EPHA5: variants seen among roughly 807,000 people sequenced by gnomAD.
EPHA5 encodes the protein ephrin type-A receptor 5.
EPHA5 carries 60 observed loss-of-function variants against 105.0 expected under a neutral mutation model. The observed-to-expected ratio is 0.57, with a 90% CI of 0.46 to 0.71. EPHA5 has a LOEUF of 0.71. EPHA5 is among the 30% of genes least tolerant of loss of function. EPHA5 has a pLI of 0.00. For synonymous variants in EPHA5, 513 were observed against 449.1 expected (o/e 1.14, Z -1.80); for missense variants, 1,218 against 1,274.7 (o/e 0.96, Z 0.68).
chr4:65,601,518 A>C, intron 3 of EPHA5, 123 bp downstream of exon 3: 1 of 986,934 alleles, frequency 1.0e-6, no homozygotes, highest in East Asian at 2.4e-5. Context: ...ATAAAACTTG[A>C]GAGAAATAAT....
intron 8 of EPHA5, among the ~76,000 whole-genome samples, chr4:65,396,563 G>A (rs1392144134): frequency 3.3e-5 from 5 of 152,244 alleles, no homozygotes; most frequent in East Asian, 1.9e-4. Context: ...CCCTAAATGC[G>A]ACACCAGTGA....
At chr4:65,480,806 T>C (rs935853710) in intron 5 of EPHA5, among the ~76,000 whole-genome samples, 1 of 152,128 alleles carries the variant, frequency 6.6e-6, no homozygotes, top group Non-Finnish European at 1.5e-5. Flanking sequence ...TATCCTTTAT[T>C]AATGCTCTTT....
intron 8 of EPHA5, 27 bp from the exon 9 acceptor site, chr4:65,367,451 C>G: frequency 6.2e-7 from 1 of 1,607,680 alleles, no homozygotes; most frequent in South Asian, 1.1e-5. Flanking sequence ...TAGAATTAGC[C>G]ACATCTGAAA....
chr4:65,326,317 C>T (rs1360338117), intron 16 of EPHA5, among the ~76,000 whole-genome samples: 2 of 151,244 alleles, frequency 1.3e-5, no homozygotes, highest in South Asian at 4.1e-4. Flanking sequence ...CAAGTCTATA[C>T]TTTTAATTTA....
Position 65,404,542 on chromosome 4 carries a change from G to A in EPHA5, c.1688-63C>T, listed in dbSNP as rs1001372248. ...GTGATCACATGCATTCAAAATAAAA[G>A]TTGCTTAATAGACAGTAATCAATTC... On this transcript the variant is annotated intron_variant, in intron 7 of 16. Transcript: ENST00000613740. 6.9e-6 allele frequency: 10 copies of A among 1,452,646 alleles called. No homozygotes were observed. In the African/African-American group the frequency reaches 1.4e-4, roughly 20 times the overall value. The allele number at this position is 1,452,646 out of a possible 1,614,324, so 90.0% of individuals were successfully genotyped here.
chr4:65,389,903 G>A (rs1720532302), intron 8 of EPHA5, among the ~76,000 whole-genome samples: 1 of 151,906 alleles, frequency 6.6e-6, no homozygotes, highest in African/African-American at 2.4e-5. Context: ...ATTTCCACAG[G>A]GAGGTCAAAC....
intron 3 of EPHA5, among the ~76,000 whole-genome samples, chr4:65,579,333 T>G (rs1285564040): frequency 7.1e-6 from 1 of 140,476 alleles, no homozygotes; most frequent in Non-Finnish European, 1.5e-5. Flanking sequence ...ATAACCTGCA[T>G]GTGTAAATAT....
intron 2 of EPHA5, among the ~76,000 whole-genome samples, chr4:65,632,998 G>A: frequency 6.6e-6 from 1 of 152,010 alleles, no homozygotes; most frequent in Non-Finnish European, 1.5e-5. Context: ...TAGAGGGAAA[G>A]TATTGGGGGA....
intron 5 of EPHA5, among the ~76,000 whole-genome samples, chr4:65,486,246 C>A (rs1730867696): frequency 6.6e-6 from 1 of 151,960 alleles, no homozygotes; most frequent in African/African-American, 2.4e-5. Flanking sequence ...TCTTTGAGAT[C>A]ATTCATTTCC....
intron 3 of EPHA5, among the ~76,000 whole-genome samples, chr4:65,545,680 T>C (rs12644216): frequency 0.12 from 17,527 of 151,966 alleles, 1,449 homozygotes; most frequent in East Asian, 0.3. Context: ...GAGCAAAATA[T>C]TTTGAACATT....
intron 5 of EPHA5, among the ~76,000 whole-genome samples, chr4:65,467,201 G>T (rs4437303): frequency 0.38 from 58,159 of 151,924 alleles, 12,386 homozygotes; most frequent in Middle Eastern, 0.49. Flanking sequence ...AAGATAGGGT[G>T]CCAGCCAGTC....
At chr4:65,418,318 G>C (rs1723589523) in intron 6 of EPHA5, among the ~76,000 whole-genome samples, 1 of 152,030 alleles carries the variant, frequency 6.6e-6, no homozygotes, top group African/African-American at 2.4e-5. Context: ...ATTGTTTTTT[G>C]ATATAGCCTA....
intron 3 of EPHA5, among the ~76,000 whole-genome samples, chr4:65,584,585 A>G (rs999289091): frequency 4.6e-5 from 7 of 151,968 alleles, no homozygotes; most frequent in Non-Finnish European, 7.4e-5. Context: ...AGTATGAACA[A>G]AAATGGAATA....
At chr4:65,330,722 T>G in intron 16 of EPHA5, 2 of 959,428 alleles carry the variant, frequency 2.1e-6, no homozygotes, top group Non-Finnish European at 2.5e-6. Context: ...AGTTTTAAAT[T>G]ATCAGTAAAT....
intron 2 of EPHA5, among the ~76,000 whole-genome samples, chr4:65,609,953 C>T (rs1744611431): frequency 6.6e-6 from 1 of 151,820 alleles, no homozygotes; most frequent in Non-Finnish European, 1.5e-5. Flanking sequence ...AGATATTAAA[C>T]AGTTTCTCAT....
intron 3 of EPHA5, among the ~76,000 whole-genome samples, chr4:65,511,064 A>C (rs1487584593): frequency 6.6e-6 from 1 of 152,194 alleles, no homozygotes; most frequent in African/African-American, 2.4e-5. Context: ...GCTGCCTGCA[A>C]GCCAGGAAGA....
chr4:65,649,905 C>A (rs959971413), intron 1 of EPHA5, among the ~76,000 whole-genome samples: 6 of 152,146 alleles, frequency 3.9e-5, no homozygotes, highest in African/African-American at 1.2e-4. Flanking sequence ...CCTTTATAAG[C>A]TATTCTTACT....
At chr4:65,379,955 A>G (rs1719396067) in intron 8 of EPHA5, among the ~76,000 whole-genome samples, 2 of 151,808 alleles carry the variant, frequency 1.3e-5, no homozygotes, top group South Asian at 4.1e-4. Flanking sequence ...ACCTTTTAAA[A>G]TAATTTCTGA....
chr4:65,453,208 T>G (rs1416912899), intron 5 of EPHA5, among the ~76,000 whole-genome samples: 5 of 152,190 alleles, frequency 3.3e-5, no homozygotes, highest in Non-Finnish European at 7.4e-5. Context: ...AATAATATGC[T>G]CTTGTTTATG....
Sources: gnomAD v4.1 joint callset for allele counts (sites outside exome capture counted in the v4.1 genomes callset) on GRCh38, gnomAD v4.1.1 for gene constraint, MANE v1.5 for transcripts, NCBI Gene and HGNC (gene_info 2026-07-23, HGNC 2026-07-21) for gene names.